The following CNOT10 variants were observed in gnomAD, a reference collection of about 807,000 sequenced individuals.
CNOT10 encodes the protein CCR4-NOT transcription complex, subunit 10.
Under a neutral mutation model 94.6 loss-of-function variants are expected in CNOT10, and 30 were observed. The ratio of observed to expected loss-of-function variants is 0.32; its 90% CI spans 0.24 to 0.43. The LOEUF (loss-of-function observed/expected upper bound fraction) is 0.43, where lower values mean the gene tolerates loss of function less well. Ranked by LOEUF, CNOT10 falls within the 20% of genes least tolerant of loss-of-function variation. CNOT10 has a pLI of 1.00. For missense variants in CNOT10, 759 were observed against 877.2 expected, an observed-to-expected ratio of 0.87 and a Z score of 1.70; for synonymous variants, 289 against 301.6, an observed-to-expected ratio of 0.96 and a Z score of 0.43.
intron 13 of CNOT10, among the ~76,000 whole-genome samples, chr3:32,755,348 C>T (rs144215546): frequency 1.3e-4 from 11 of 87,798 alleles, no homozygotes; most frequent in African/African-American, 1.4e-4. Flanking sequence ...GACAGAGTTT[C>T]GCTCTTGTTG....
At chr3:32,733,164 T>A (rs1243825202) in intron 10 of CNOT10, among the ~76,000 whole-genome samples, 2 of 152,188 alleles carry the variant, frequency 1.3e-5, no homozygotes, top group East Asian at 3.8e-4. Context: ...AATAAATTAT[T>A]GGGACATAAT....
intron 13 of CNOT10, among the ~76,000 whole-genome samples, chr3:32,746,260 A>G (rs1045158594): frequency 1.3e-5 from 2 of 152,200 alleles, no homozygotes; most frequent in African/African-American, 4.8e-5. Flanking sequence ...GGATCATGGT[A>G]GACTATTTTT....
chr3:32,751,386 G>A (rs1246938753), intron 13 of CNOT10, among the ~76,000 whole-genome samples: 1 of 152,038 alleles, frequency 6.6e-6, no homozygotes, highest in Non-Finnish European at 1.5e-5. Flanking sequence ...GATTATAAGC[G>A]TGAGCTACAG....
intron 4 of CNOT10, 32 bp from the exon 5 acceptor site, chr3:32,713,195 G>T: frequency 6.5e-7 from 1 of 1,543,984 alleles, no homozygotes; most frequent in Middle Eastern, 1.7e-4. Context: ...TTTAGGTTGT[G>T]ACTATTCTTT....
At chr3:32,753,769 G>A in intron 13 of CNOT10, 6 of 1,602,222 alleles carry the variant, frequency 3.7e-6, no homozygotes, top group South Asian at 2.2e-5. Context: ...AGATGGTTCT[G>A]ATGAAGTGAA....
intron 13 of CNOT10, among the ~76,000 whole-genome samples, chr3:32,748,810 C>G (rs2125606987): frequency 6.6e-6 from 1 of 151,604 alleles, no homozygotes; most frequent in South Asian, 2.1e-4. Context: ...CCATGCCCGG[C>G]CTGTTTTTGT....
intron 13 of CNOT10, chr3:32,752,866 C>T: frequency 3.3e-6 from 1 of 304,988 alleles, no homozygotes; most frequent in South Asian, 3.4e-5. Context: ...GAGGTGGTAA[C>T]TACGACAGTA....
intron 11 of CNOT10, 107 bp from the exon 12 acceptor site, chr3:32,734,693 A>G (rs1699100718): frequency 3.2e-6 from 3 of 939,648 alleles, no homozygotes; most frequent in South Asian, 2.2e-5. Context: ...CTACCTATCA[A>G]AAGGCATAGC....
At position 32,759,478 on chromosome 3, in the gene CNOT10, G is replaced by T. The variant is rs200291134; in HGVS notation, c.1616G>T (p.Ser539Ile). 1.7e-5 allele frequency: 27 copies of T among 1,613,580 alleles called. No individual in the cohort carries two copies. The South Asian group carries it at 2.7e-4, about 16-fold the overall frequency. Residue 539 changes from serine (S) to isoleucine (I), a missense_variant, in exon 14 of 19, where the codon AGT (serine) becomes ATT (isoleucine). By Grantham distance (142) the Ser-to-Ile change is moderately radical. Transcript: ENST00000328834. ...ENLKCSILAC[S>I]AYVALALGDN... ...TATAGGTGCTCCATACTTGCTTGCAGTGCCTACGTGGCTCTGGCTTTGGGT... is the reference window on the plus strand; with the variant it reads ...TATAGGTGCTCCATACTTGCTTGCATTGCCTACGTGGCTCTGGCTTTGGGT...
chr3:32,699,889 G>T (rs1274801269), intron 1 of CNOT10, among the ~76,000 whole-genome samples: 1 of 151,978 alleles, frequency 6.6e-6, no homozygotes, highest in Non-Finnish European at 1.5e-5. Context: ...GGACAAGGTG[G>T]TCTACTATTT....
intron 18 of CNOT10, among the ~76,000 whole-genome samples, chr3:32,771,631 T>G (rs777954820): frequency 5.9e-5 from 9 of 151,898 alleles, no homozygotes; most frequent in East Asian, 1.9e-4. Flanking sequence ...CCTATATCTA[T>G]CTAGATAGAT....
intron 14 of CNOT10, among the ~76,000 whole-genome samples, chr3:32,760,397 TG>T (rs1700390616): frequency 6.6e-6 from 1 of 151,090 alleles, no homozygotes; most frequent in Non-Finnish European, 1.5e-5. Flanking sequence ...TTTGGGAGGC[TG>T]AGGTAGGCAG....
At chr3:32,716,980 T>C (rs1184689867) in intron 6 of CNOT10, among the ~76,000 whole-genome samples, 174 bp from the exon 7 acceptor site, 4 of 152,198 alleles carry the variant, frequency 2.6e-5, no homozygotes, top group African/African-American at 9.7e-5. Context: ...TTTAGTATTT[T>C]GAAGTATATT....
Position 32,736,503 on chromosome 3 carries a change from G to T in CNOT10, c.1515-907G>T, listed in dbSNP as rs1181708797. On this transcript the variant is annotated intron_variant, in intron 12 of 18. Coordinates refer to ENST00000328834, the MANE Select transcript of CNOT10 (RefSeq NM_015442.3). The stretch of plus-strand genomic sequence containing the variant: ...ACTATAGAAAATTTGGGCCAGGCAT[G>T]GTGGCTCACACCTGTAATCCCAGTG... Among the ~76,000 whole-genome samples the T allele has an allele frequency of 2.0e-5, 3 of 152,126 alleles. No homozygotes were observed. In the East Asian group the frequency reaches 5.8e-4, roughly 29 times the overall value.
intron 9 of CNOT10, among the ~76,000 whole-genome samples, 172 bp from the exon 10 acceptor site, chr3:32,727,496 A>T (rs1698730558): frequency 1.3e-5 from 2 of 152,026 alleles, no homozygotes; most frequent in African/African-American, 2.4e-5. Context: ...GACTCTGGAG[A>T]ATATTTGTGG....
chr3:32,761,143 A>G (rs1559517013), intron 14 of CNOT10, among the ~76,000 whole-genome samples: 2 of 152,124 alleles, frequency 1.3e-5, no homozygotes, highest in Non-Finnish European at 2.9e-5. Flanking sequence ...AAAAGTAATA[A>G]ATCATTCAAC....
In CNOT10 at chr3:32,711,956, G is replaced by C. The variant is rs548596138; in HGVS notation, c.431-1271G>C. ...TTTAAATGAATTCCACTCTTTAAAG[G>C]CTTTTGAAATTTTCTCTTCTAGACC... On this transcript the variant is annotated intron_variant, in intron 4 of 18. Coordinates refer to ENST00000328834, the MANE Select transcript of CNOT10 (RefSeq NM_015442.3). 3.9e-5 allele frequency among the ~76,000 whole-genome samples: 6 copies of C among 152,202 alleles called. No homozygotes were observed. The South Asian group carries it at 1.0e-3, about 26-fold the overall frequency.
intron 13 of CNOT10, among the ~76,000 whole-genome samples, chr3:32,743,534 T>C (rs1041277011): frequency 6.6e-6 from 1 of 152,024 alleles, no homozygotes; most frequent in Admixed American, 6.6e-5. Flanking sequence ...CACGGGAGGC[T>C]GAGGCAGGAG....
Position 32,685,425 on chromosome 3 carries a change from C to A in CNOT10, c.-36C>A. ...CCCGGCGGCGGGAGTCAGGGCCACG[C>A]CACCTGCAGGGAAGAACCCGAGTCG... is the stretch of plus-strand genomic sequence containing the variant. On this transcript the variant is annotated 5_prime_UTR_variant, in exon 1 of 19. Transcript: ENST00000328834. The A allele has an allele frequency of 6.5e-7, 1 of 1,549,944 alleles. No homozygotes were observed. The highest frequency in any genetic ancestry group is 8.7e-7 in the Non-Finnish European group (1 of 1,146,610).
Sources: allele counts gnomAD v4.1 joint callset (sites outside exome capture counted in the v4.1 genomes callset), GRCh38; gene constraint gnomAD v4.1.1; transcripts MANE v1.5; gene names NCBI Gene and HGNC (gene_info 2026-07-23, HGNC 2026-07-21).